ANKDD1A: variants seen among roughly 807,000 people sequenced by gnomAD.
The protein encoded by ANKDD1A is ankyrin repeat and death domain-containing protein 1A.
ANKDD1A carries 59 observed loss-of-function variants against 63.5 expected under a neutral mutation model. The observed-to-expected ratio is 0.93, with a 90% CI of 0.75 to 1.15. The LOEUF (loss-of-function observed/expected upper bound fraction) is 1.15. ANKDD1A is among the 50% of genes most tolerant of loss of function. The probability of loss-of-function intolerance (pLI) is 0.00; values close to 1 mark genes in which losing one functional copy is unlikely to be tolerated. For synonymous variants in ANKDD1A, 266 were observed against 263.9 expected, an observed-to-expected ratio of 1.01 and a Z score of -0.08; for missense variants, 632 against 656.4, an observed-to-expected ratio of 0.96 and a Z score of 0.41.
chr15:64,915,243 T>G (rs914697274), intron 1 of ANKDD1A, among the ~76,000 whole-genome samples: 2 of 152,148 alleles, frequency 1.3e-5, no homozygotes, highest in Admixed American at 6.5e-5. Context: ...AGGCAGAGGT[T>G]GCAGTGAGAC....
chr15:64,954,204 A>C (rs1157670089), intron 14 of ANKDD1A, among the ~76,000 whole-genome samples: 1 of 109,570 alleles, frequency 9.1e-6, no homozygotes, highest in African/African-American at 3.5e-5. Context: ...CTTGTTCCTT[A>C]TTCTTTTCTT....
intron 8 of ANKDD1A, among the ~76,000 whole-genome samples, chr15:64,933,853 A>G (rs139188075): frequency 0.015 from 2,323 of 152,114 alleles, 36 homozygotes; most frequent in Non-Finnish European, 0.021. Flanking sequence ...GAAAAAAAAA[A>G]GTCTATCATC....
chr15:64,921,905 A>C lies in ANKDD1A; in HGVS notation c.268-16A>C, dbSNP rs776132762. 1.2e-6 allele frequency: 2 copies of C among 1,611,868 alleles called. No individual in the cohort carries two copies. Among genetic ancestry groups the C allele is most frequent in the South Asian group, 2.2e-5 (2 of 90,984 alleles). ...TTCCCACATTCTTCTCACCTCCTCT[A>C]TGTCCTCTCCCCTAGTTTGGGATGA... On this transcript the variant is annotated splice_polypyrimidine_tract_variant and intron_variant, in intron 3 of 14. Transcript: ENST00000319580.
At chr15:64,934,620 C>T (rs1474180408) in intron 9 of ANKDD1A, among the ~76,000 whole-genome samples, 3 of 150,958 alleles carry the variant, frequency 2.0e-5, no homozygotes, top group African/African-American at 7.3e-5. Context: ...CTGCCTCAGC[C>T]TCCTGAATAG....
chr15:64,931,328 A>G (rs1349095505), intron 7 of ANKDD1A, among the ~76,000 whole-genome samples, 159 bp from the exon 8 acceptor site: 1 of 152,144 alleles, frequency 6.6e-6, no homozygotes, highest in East Asian at 1.9e-4. Context: ...GGCTCATGGA[A>G]TCACAAACAA....
intron 13 of ANKDD1A, among the ~76,000 whole-genome samples, chr15:64,948,047 T>TA (rs144701118): frequency 0.92 from 140,402 of 152,130 alleles, 65,729 homozygotes; most frequent in East Asian, 1. Context: ...AGGAATCAAC[T>TA]AAAAAAATCT....
chr15:64,943,471 G>T lies in ANKDD1A; in HGVS notation c.967-13G>T. On this transcript the variant is annotated splice_polypyrimidine_tract_variant and intron_variant, in intron 10 of 14. Coordinates refer to ENST00000319580, the MANE Select transcript of ANKDD1A (RefSeq NM_182703.6). ...TGCTTTTCACTTACCTATTCCCTTG[G>T]CTTCTCCCCTAGAGGCAGCAGACGC... 6.2e-7 allele frequency: 1 copy of T among 1,613,844 alleles called. No homozygotes were observed. The highest frequency in any genetic ancestry group is 8.5e-7 in the Non-Finnish European group (1 of 1,179,758).
chr15:64,931,723 TCTCCACTGCTGAGCC>T, intron 8 of ANKDD1A, 138 bp downstream of exon 8: 1 of 906,670 alleles, frequency 1.1e-6, no homozygotes, highest in Non-Finnish European at 1.7e-6. Flanking sequence ...GATCTTGGCT[TCTCCACTGCTGAGCC>T]CTGTGACCTG....
intron 14 of ANKDD1A, among the ~76,000 whole-genome samples, chr15:64,953,850 TTTCCTCTTCTTCC>T (rs2085362532): frequency 0.012 from 187 of 15,038 alleles, 1 homozygote; most frequent in Non-Finnish European, 0.039. Flanking sequence ...TCTTTTCTTC[TTTCCTCTTCTTCC>T]TCTTTCTTCT....
intron 4 of ANKDD1A, among the ~76,000 whole-genome samples, chr15:64,923,110 A>G (rs1457357183): frequency 6.6e-6 from 1 of 152,184 alleles, no homozygotes; most frequent in African/African-American, 2.4e-5. Context: ...TGGCACCCCA[A>G]AGATGTCCAT....
chr15:64,951,374 TTTC>T, intron 14 of ANKDD1A: 1 of 442,792 alleles, frequency 2.3e-6, no homozygotes, highest in Non-Finnish European at 2.8e-6. Context: ...CTCTTTCTTC[TTTC>T]TTTTTCTTTT....
intron 11 of ANKDD1A, 51 bp from the exon 12 acceptor site, chr15:64,944,601 T>C (rs1487863079): frequency 6.4e-7 from 1 of 1,555,362 alleles, no homozygotes; most frequent in East Asian, 2.3e-5. Flanking sequence ...GAAACCCTTG[T>C]GTACCCCTCC....
rs7175013 is a variant in ANKDD1A, at chr15:64,956,364, A to G, written c.1484-739A>G. 6.6e-5 allele frequency among the ~76,000 whole-genome samples: 10 copies of G among 152,008 alleles called. No individual in the cohort carries two copies. In the East Asian group the frequency reaches 1.9e-3, roughly 30 times the overall value. On this transcript the variant is annotated intron_variant, in intron 14 of 14. Transcript: ENST00000319580. ...GGAGATCGAGACCATCCTGGCTAACACAGTGAAACCCTGTCTCTACTAAAA... is the reference window on the plus strand; with the variant it reads ...GGAGATCGAGACCATCCTGGCTAACGCAGTGAAACCCTGTCTCTACTAAAA...
Position 64,957,316 on chromosome 15 carries a change from AAAT to A in ANKDD1A, c.*134_*136del. 7.1e-6 allele frequency: 2 copies of A among 282,610 alleles called. No individual in the cohort carries two copies. The highest frequency in any genetic ancestry group is 5.6e-5 in the South Asian group (2 of 35,532). The allele number at this position is 282,610 out of a possible 1,614,324, so 17.5% of individuals were successfully genotyped here. On this transcript the variant is annotated 3_prime_UTR_variant, in exon 15 of 15. Transcript: ENST00000319580. ...TCACAATTATTCCTTTTTCCACCTT[AAAT>A]AATAAGAGTAGAATACTTTCTGTGT... is the stretch of plus-strand genomic sequence containing the variant.
At chr15:64,951,737 CCTT>C (rs1434223702) in intron 14 of ANKDD1A, among the ~76,000 whole-genome samples, 11 of 53,186 alleles carry the variant, frequency 2.1e-4, no homozygotes, top group Non-Finnish European at 3.2e-4. Flanking sequence ...CTTCTTTCCT[CCTT>C]CTTCCTCTTC....
intron 5 of ANKDD1A, 149 bp downstream of exon 5, chr15:64,926,319 AG>A: frequency 1.4e-6 from 1 of 715,010 alleles, no homozygotes; most frequent in East Asian, 2.8e-5. Context: ...GGTTGGGAAG[AG>A]GTGTTGAGGC....
chr15:64,942,417 G>A, intron 9 of ANKDD1A, 50 bp from the exon 10 acceptor site: 2 of 1,417,070 alleles, frequency 1.4e-6, no homozygotes, highest in Non-Finnish European at 1.9e-6. Flanking sequence ...CCTGCAGCTG[G>A]GCAGTCCTGG....
In ANKDD1A at chr15:64,926,273, T is replaced by C; in HGVS notation, c.471+103T>C. 5 of 1,175,222 alleles carry C rather than the reference T, an allele frequency of 4.3e-6. No individual in the cohort carries two copies. In the East Asian group the frequency reaches 1.0e-4, roughly 24 times the overall value. 72.8% of individuals were successfully genotyped at this position (1,175,222 alleles called of 1,614,324 possible). On this transcript the variant is annotated intron_variant, in intron 5 of 14. Transcript: ENST00000319580. ...CACATTCCTTGGGTGCATCCTTTGA[T>C]CTGTGGGCATATTGCACCTGGCCTG...
At chr15:64,933,953 A>G (rs60473278) in intron 8 of ANKDD1A, among the ~76,000 whole-genome samples, 183 bp from the exon 9 acceptor site, 151,922 of 152,362 alleles carry the variant, frequency 1, 75,742 homozygotes, top group Middle Eastern at 1. Context: ...TGAGACCATA[A>G]TGAGTTCCTT....
Sources: allele counts gnomAD v4.1 joint callset (sites outside exome capture counted in the v4.1 genomes callset), GRCh38; gene constraint gnomAD v4.1.1; transcripts MANE v1.5; gene names NCBI Gene and HGNC (gene_info 2026-07-23, HGNC 2026-07-21).